Variants in SEMA3E observed in about 807,000 individuals in gnomAD.
The protein encoded by SEMA3E is semaphorin 3E, also known as semaphorin-3E.
A neutral mutation model predicts 93.6 loss-of-function variants in SEMA3E; 49 were observed. That is an observed-to-expected ratio of 0.52 (90% CI 0.42 to 0.66). The LOEUF is 0.66. SEMA3E is among the 30% of genes least tolerant of loss of function. The pLI is 0.00. For missense variants in SEMA3E, 906 were observed against 964.8 expected (o/e 0.94, Z 0.81); for synonymous variants, 363 against 330.7 (o/e 1.10, Z -1.06).
At chr7:83,464,464 C>A (rs1285747179) in intron 4 of SEMA3E, among the ~76,000 whole-genome samples, 1 of 103,022 alleles carries the variant, frequency 9.7e-6, no homozygotes, top group African/African-American at 2.9e-5. Flanking sequence ...CTCTTGTTTA[C>A]ACTGTTTTTC....
chr7:83,551,425 A>C (rs1480926010), intron 1 of SEMA3E, among the ~76,000 whole-genome samples: 1 of 152,166 alleles, frequency 6.6e-6, no homozygotes, highest in Non-Finnish European at 1.5e-5. Flanking sequence ...GTACCAAACC[A>C]AGCAAAATCA....
At chr7:83,461,523 A>G (rs1789616457) in intron 4 of SEMA3E, among the ~76,000 whole-genome samples, 1 of 152,204 alleles carries the variant, frequency 6.6e-6, no homozygotes, top group South Asian at 2.1e-4. Flanking sequence ...AGCTAAAGGC[A>G]TAGTCAAGGT....
intron 1 of SEMA3E, among the ~76,000 whole-genome samples, chr7:83,626,729 A>G (rs1302198307): frequency 1.3e-5 from 2 of 152,000 alleles, no homozygotes; most frequent in African/African-American, 4.8e-5. Flanking sequence ...TGAATTAGTT[A>G]TTTCTTGTCC....
chr7:83,570,552 CA>C (rs59715914), intron 1 of SEMA3E, among the ~76,000 whole-genome samples: 1,396 of 33,060 alleles, frequency 0.042, 12 homozygotes, highest in Non-Finnish European at 0.052. Context: ...GACTCCGTCT[CA>C]AAAAAAAAAA....
At chr7:83,563,748 T>G (rs1399805806) in intron 1 of SEMA3E, among the ~76,000 whole-genome samples, 3 of 152,190 alleles carry the variant, frequency 2.0e-5, no homozygotes, top group Non-Finnish European at 4.4e-5. Flanking sequence ...TATGAAAATA[T>G]ATGGCTGTTA....
intron 1 of SEMA3E, among the ~76,000 whole-genome samples, chr7:83,595,410 C>T (rs1016494920): frequency 5.3e-5 from 8 of 151,906 alleles, no homozygotes; most frequent in African/African-American, 1.9e-4. Flanking sequence ...CTGGCTTTCC[C>T]TAACATTAAA....
At chr7:83,631,029 C>T (rs1793775910) in intron 1 of SEMA3E, among the ~76,000 whole-genome samples, 1 of 151,994 alleles carries the variant, frequency 6.6e-6, no homozygotes, top group African/African-American at 2.4e-5. Flanking sequence ...GGCAAATCTA[C>T]AAGATTTCAA....
intron 1 of SEMA3E, among the ~76,000 whole-genome samples, chr7:83,520,659 T>C (rs1018406893): frequency 1.3e-5 from 2 of 152,166 alleles, no homozygotes; most frequent in African/African-American, 4.8e-5. Flanking sequence ...ATACACCGTA[T>C]TTAAGATACT....
chr7:83,637,125 C>T (rs1314098844), intron 1 of SEMA3E, among the ~76,000 whole-genome samples: 1 of 151,650 alleles, frequency 6.6e-6, no homozygotes, highest in African/African-American at 2.4e-5. Flanking sequence ...CAGAGAGTTC[C>T]CCTATACCTA....
intron 5 of SEMA3E, among the ~76,000 whole-genome samples, chr7:83,418,125 C>G (rs2713147): frequency 1.3e-5 from 2 of 151,982 alleles, no homozygotes; most frequent in South Asian, 4.1e-4. Flanking sequence ...ATAAGCATCA[C>G]ATGACACCAA....
intron 1 of SEMA3E, among the ~76,000 whole-genome samples, chr7:83,563,943 G>A (rs1792087542): frequency 6.6e-6 from 1 of 152,036 alleles, no homozygotes; most frequent in South Asian, 2.1e-4. Context: ...AATTTTATAT[G>A]AAAACATTTC....
chr7:83,554,914 T>C (rs1403697311), intron 1 of SEMA3E, among the ~76,000 whole-genome samples: 1 of 151,800 alleles, frequency 6.6e-6, no homozygotes, highest in Non-Finnish European at 1.5e-5. Context: ...GAGGCGGAGC[T>C]TGCAGTGAGC....
intron 1 of SEMA3E, among the ~76,000 whole-genome samples, chr7:83,511,488 A>G (rs1472630381): frequency 1.3e-5 from 2 of 152,084 alleles, no homozygotes; most frequent in Non-Finnish European, 2.9e-5. Context: ...CTGCAGCTAA[A>G]CATTTCTAAG....
rs932919198 is a variant in SEMA3E at position 83,434,915 on chromosome 7, G to A, written c.457-16432C>T. Among the ~76,000 whole-genome samples, 12 of 151,236 alleles carry A rather than the reference G, an allele frequency of 7.9e-5. No individual in the cohort carries two copies. In the South Asian group the frequency reaches 8.4e-4, roughly 11 times the overall value. On this transcript the variant is annotated intron_variant, in intron 4 of 16. Coordinates refer to ENST00000643230, the MANE Select transcript of SEMA3E (RefSeq NM_012431.3). ...TTTTTAGTAGAGACGGGGTTTCACC[G>A]TTTTAGCCGGGATGGTCTCGATCTC... is the stretch of plus-strand genomic sequence containing the variant.
At chr7:83,424,643 C>A (rs1788734348) in intron 4 of SEMA3E, among the ~76,000 whole-genome samples, 1 of 152,136 alleles carries the variant, frequency 6.6e-6, no homozygotes, top group African/African-American at 2.4e-5. Context: ...TTGTCATAAT[C>A]CTGGAACCTG....
At chr7:83,574,053 T>C (rs1176002425) in intron 1 of SEMA3E, among the ~76,000 whole-genome samples, 1 of 152,100 alleles carries the variant, frequency 6.6e-6, no homozygotes, top group African/African-American at 2.4e-5. Context: ...TATGCAAATA[T>C]TAACACTGCA....
intron 1 of SEMA3E, among the ~76,000 whole-genome samples, chr7:83,555,234 C>T (rs57215801): frequency 0.12 from 18,040 of 152,166 alleles, 1,173 homozygotes; most frequent in East Asian, 0.2. Flanking sequence ...CTAATGCTAG[C>T]TTGCTTTCTG....
chr7:83,591,106 CAAAAA>C (rs202162169), intron 1 of SEMA3E, among the ~76,000 whole-genome samples: 1 of 114,586 alleles, frequency 8.7e-6, no homozygotes, highest in Admixed American at 8.9e-5. Flanking sequence ...GAGTTATTTG[CAAAAA>C]AAAAAAAAAA....
intron 1 of SEMA3E, among the ~76,000 whole-genome samples, chr7:83,514,071 C>A (rs1258672487): frequency 6.6e-6 from 1 of 152,078 alleles, no homozygotes; most frequent in African/African-American, 2.4e-5. Flanking sequence ...AAGATCGCCA[C>A]GAGAGTGACC....
Sources: gnomAD v4.1 joint callset for allele counts (sites outside exome capture counted in the v4.1 genomes callset) on GRCh38, gnomAD v4.1.1 for gene constraint, MANE v1.5 for transcripts, NCBI Gene and HGNC (gene_info 2026-07-23, HGNC 2026-07-21) for gene names.